Variants in GRIN2B observed in about 807,000 individuals in gnomAD.
The protein encoded by GRIN2B is glutamate ionotropic receptor NMDA type subunit 2B, also known as glutamate receptor ionotropic, NMDA 2B.
GRIN2B carries 5 observed loss-of-function variants against 114.5 expected under a neutral mutation model. That is an observed-to-expected ratio of 0.04 (90% confidence interval 0.02 to 0.09). The LOEUF (loss-of-function observed/expected upper bound fraction) is 0.09, where lower values mean the gene tolerates loss of function less well. GRIN2B is among the 10% of genes least tolerant of loss of function. GRIN2B has a pLI of 1.00. For synonymous variants in GRIN2B, 787 were observed against 745.1 expected, an observed-to-expected ratio of 1.06 and a Z score of -0.92; for missense variants, 1,108 against 1,943.5, an observed-to-expected ratio of 0.57 and a Z score of 8.08.
intron 3 of GRIN2B, among the ~76,000 whole-genome samples, chr12:13,834,590 T>A (rs1176534820): frequency 1.3e-5 from 2 of 152,218 alleles, no homozygotes; most frequent in African/African-American, 4.8e-5. Context: ...GGGTCAACTC[T>A]TGTCTTGTTT....
chr12:13,764,593 TTGATGGAAATAAGAAA>T (rs1863743790), intron 3 of GRIN2B, among the ~76,000 whole-genome samples: 2 of 152,172 alleles, frequency 1.3e-5, no homozygotes, highest in Non-Finnish European at 2.9e-5. Flanking sequence ...GGTGCCAACG[TTGATGGAAATAAGAAA>T]AAATCTTCCC....
At chr12:13,663,252 G>T (rs1949942171) in intron 5 of GRIN2B, among the ~76,000 whole-genome samples, 1 of 152,108 alleles carries the variant, frequency 6.6e-6, no homozygotes, top group Non-Finnish European at 1.5e-5. Flanking sequence ...CATGTCTTTT[G>T]ACATTAAACC....
chr12:13,860,544 C>T (rs1199041799), intron 3 of GRIN2B, among the ~76,000 whole-genome samples: 2 of 152,078 alleles, frequency 1.3e-5, no homozygotes. Flanking sequence ...AGAATGGTCT[C>T]GAACTCCTTA....
chr12:13,615,532 C>T lies in GRIN2B; in HGVS notation c.1461G>A (p.Gly487=). ...DLYLVTNGKH[G]KKINGTWNGM... ...CATTCCAGGTTCCATTGATTTTCTTCCCATGCTTGCCATTGGTAACCAGGT... is the reference window on the plus strand; with the variant it reads ...CATTCCAGGTTCCATTGATTTTCTTTCCATGCTTGCCATTGGTAACCAGGT... The change falls in exon 7 of 14, where the codon GGG becomes GGA. Residue 487 remains glycine, a synonymous_variant. Coordinates refer to ENST00000609686, the MANE Select transcript of GRIN2B (RefSeq NM_000834.5). The surrounding 1 kb of genome is among the most constrained non-coding windows in gnomAD (Gnocchi z 5.8). The T allele has an allele frequency of 6.2e-7, 1 of 1,613,770 alleles. No individual in the cohort carries two copies. The highest frequency in any genetic ancestry group is 2.2e-5 in the East Asian group (1 of 44,874).
At chr12:13,880,113 G>C (rs756371453) in intron 2 of GRIN2B, among the ~76,000 whole-genome samples, 3 of 152,242 alleles carry the variant, frequency 2.0e-5, no homozygotes, top group Non-Finnish European at 2.9e-5. Context: ...GGGCCGCAGA[G>C]AGGGCTAAGG....
At chr12:13,671,270 T>C (rs755703840) in intron 5 of GRIN2B, among the ~76,000 whole-genome samples, 27 of 152,262 alleles carry the variant, frequency 1.8e-4, no homozygotes, top group Non-Finnish European at 3.5e-4. Context: ...TAAAACCTCT[T>C]TGAATCTTTA....
chr12:13,585,454 G>C lies in GRIN2B; in HGVS notation c.2011-13490C>G, dbSNP rs137992164. ...ACAGCCCAGCAGAGCTTCTTCCTTT[G>C]GTCAATAAAGTCAGCCCTATGCGAG... On this transcript the variant is annotated intron_variant, in intron 10 of 13. Coordinates refer to ENST00000609686, the MANE Select transcript of GRIN2B (RefSeq NM_000834.5). 1.8e-4 allele frequency among the ~76,000 whole-genome samples: 27 copies of C among 152,254 alleles called. No individual in the cohort carries two copies. The East Asian group carries it at 4.6e-3, about 26-fold the overall frequency.
intron 4 of GRIN2B, among the ~76,000 whole-genome samples, chr12:13,711,109 C>G (rs150870625): frequency 0.073 from 11,173 of 152,026 alleles, 563 homozygotes; most frequent in Non-Finnish European, 0.11. Flanking sequence ...ACAAACCTGA[C>G]AAAAACAAGA....
intron 2 of GRIN2B, among the ~76,000 whole-genome samples, chr12:13,923,062 C>T (rs1386395987): frequency 6.6e-6 from 1 of 152,122 alleles, no homozygotes; most frequent in Non-Finnish European, 1.5e-5. Flanking sequence ...TTTTTCCTTT[C>T]CTTTTTCTTT....
intron 3 of GRIN2B, among the ~76,000 whole-genome samples, chr12:13,804,137 C>G (rs1864561811): frequency 6.7e-6 from 1 of 149,236 alleles, no homozygotes. Flanking sequence ...CTCACTGTAC[C>G]TTGTCATTTC....
intron 3 of GRIN2B, among the ~76,000 whole-genome samples, chr12:13,834,197 ATTT>A (rs756189402): frequency 3.6e-5 from 4 of 111,500 alleles, no homozygotes; most frequent in South Asian, 2.7e-4. Context: ...CGCCTGGCTA[ATTT>A]TTTTTTTTTT....
At chr12:13,916,381 T>C (rs1306327168) in intron 2 of GRIN2B, among the ~76,000 whole-genome samples, 2 of 152,172 alleles carry the variant, frequency 1.3e-5, no homozygotes, top group Non-Finnish European at 2.9e-5. Context: ...AACAGATTCA[T>C]TCTCTCATTT....
chr12:13,708,415 C>T lies in GRIN2B; in HGVS notation c.1011-32556G>A, dbSNP rs541577751. ...TATGTATGAACTCCCTTTTTCCATACGAAGATCATTTTTCTTAATAGAGAA... is the reference window on the plus strand; with the variant it reads ...TATGTATGAACTCCCTTTTTCCATATGAAGATCATTTTTCTTAATAGAGAA... On this transcript the variant is annotated intron_variant, in intron 4 of 13. Coordinates refer to ENST00000609686, the MANE Select transcript of GRIN2B (RefSeq NM_000834.5). 2.6e-4 allele frequency among the ~76,000 whole-genome samples: 40 copies of T among 152,044 alleles called. 1 individual carries two copies. Among genetic ancestry groups the T allele is most frequent in the South Asian group, 8.3e-4 (4 of 4,816 alleles).
At chr12:13,789,340 C>T (rs943061950) in intron 3 of GRIN2B, among the ~76,000 whole-genome samples, 6 of 152,168 alleles carry the variant, frequency 3.9e-5, no homozygotes, top group Middle Eastern at 3.2e-3. Flanking sequence ...AGTGCATGTG[C>T]CTTCCACATT....
In GRIN2B at chr12:13,753,981, T is replaced by C. The variant is rs760615332; in HGVS notation, c.412-66A>G. 1.9e-4 allele frequency: 186 copies of C among 1,003,364 alleles called. No individual in the cohort carries two copies. The highest frequency in any genetic ancestry group is 6.2e-4 in the Middle Eastern group (3 of 4,874). The allele number at this position is 1,003,364 out of a possible 1,614,324, so 62.2% of individuals were successfully genotyped here. ...ATCAAACCAAAGATGGTAATGGAGA[T>C]TTTGAACCAAGTGGGTACAAAGATT... On this transcript the variant is annotated intron_variant, in intron 3 of 13. Transcript: ENST00000609686. This position sits in a 1 kb window ranked among gnomAD's most constrained non-coding sequence, Gnocchi z 6.2.
At chr12:13,838,005 T>A (rs374601955) in intron 3 of GRIN2B, among the ~76,000 whole-genome samples, 86 of 152,328 alleles carry the variant, frequency 5.6e-4, no homozygotes, top group African/African-American at 1.8e-3. Context: ...TGACTGCAAT[T>A]TTGCTTTTTC....
At chr12:13,777,617 G>A (rs892841933) in intron 3 of GRIN2B, among the ~76,000 whole-genome samples, 4 of 152,304 alleles carry the variant, frequency 2.6e-5, no homozygotes, top group Non-Finnish European at 5.9e-5. Context: ...GGTGCCTAAC[G>A]CTTGGTGCCT....
intron 5 of GRIN2B, among the ~76,000 whole-genome samples, chr12:13,660,381 T>G (rs1266811842): frequency 6.6e-6 from 1 of 152,180 alleles, no homozygotes; most frequent in Non-Finnish European, 1.5e-5. Flanking sequence ...GGTGTCTATT[T>G]ACCTTTATAT....
intron 3 of GRIN2B, among the ~76,000 whole-genome samples, chr12:13,766,394 C>T (rs1288500610): frequency 6.6e-6 from 1 of 152,156 alleles, no homozygotes; most frequent in East Asian, 1.9e-4. Flanking sequence ...CCAGTTCTCC[C>T]ACTAGTTTTG....
Sources: gnomAD v4.1 joint callset for allele counts (sites outside exome capture counted in the v4.1 genomes callset) on GRCh38, gnomAD v4.1.1 for gene constraint, Gnocchi (gnomAD v3.1) non-coding constraint, MANE v1.5 for transcripts, NCBI Gene and HGNC (gene_info 2026-07-23, HGNC 2026-07-21) for gene names.